Variants in BPIFA3 observed in about 807,000 individuals in gnomAD.
BPIFA3 encodes the protein BPI fold containing family A member 3.
A neutral mutation model predicts 29.7 loss-of-function variants in BPIFA3; 32 were observed. That is an observed-to-expected ratio of 1.08 (90% confidence interval 0.81 to 1.45). The LOEUF (loss-of-function observed/expected upper bound fraction) is 1.45. Ranked by LOEUF, BPIFA3 falls within the 40% of genes most tolerant of loss-of-function variation. BPIFA3 has a pLI of 0.00. For missense variants in BPIFA3, 323 were observed against 311.3 expected (o/e 1.04, Z -0.28); for synonymous variants, 112 against 113.7 (o/e 0.98, Z 0.10).
chr20:33,223,764 C>G (rs910508138), intron 1 of BPIFA3, 47 bp from the exon 2 acceptor site: 4 of 1,578,386 alleles, frequency 2.5e-6, no homozygotes, highest in Non-Finnish European at 3.5e-6. Flanking sequence ...AGCCCCCCAC[C>G]TTTTCCGTGA....
intron 2 of BPIFA3, 54 bp from the exon 3 acceptor site, chr20:33,224,301 T>C (rs1333240165): frequency 4.9e-6 from 7 of 1,434,122 alleles, no homozygotes; most frequent in African/African-American, 2.8e-5. Flanking sequence ...CAGGAAGCCT[T>C]ACCTGTTCTG....
chr20:33,227,266 A>G (rs908543262), intron 6 of BPIFA3, among the ~76,000 whole-genome samples: 1 of 152,068 alleles, frequency 6.6e-6, no homozygotes, highest in Non-Finnish European at 1.5e-5. Context: ...TCTCCACCCA[A>G]TCCAGTAGGG....
Position 33,224,409 on chromosome 20 carries a change from T to C in BPIFA3, c.333T>C (p.His111=), listed in dbSNP as rs144364240. The change falls in exon 3 of 7, where the codon CAT becomes CAC. Residue 111 remains histidine (H), a synonymous_variant. Coordinates refer to ENST00000375454, the MANE Select transcript of BPIFA3 (RefSeq NM_178466.5). ...LDCGGIQISF[H]KEWFSANISL... is the part of the protein sequence containing the mutation. ...GTGGTGGGATCCAGATATCATTCCATAAGGAGTGGTTCTCGGCAAATATCT... is the reference window on the plus strand; with the variant it reads ...GTGGTGGGATCCAGATATCATTCCACAAGGAGTGGTTCTCGGCAAATATCT... 1,821 of 1,614,132 alleles carry C rather than the reference T, an allele frequency of 1.1e-3. 23 individuals are homozygous for C. In the African/African-American group the frequency reaches 0.021, roughly 18 times the overall value.
rs200271369 is a variant in BPIFA3 at position 33,217,534 on chromosome 20, C to G, written c.-3C>G. ...CTCTTGACATCTGCAGGTCCCAGACCCTATGATGTGTCCACTCTGGAGGCT... is the reference window on the plus strand; with the variant it reads ...CTCTTGACATCTGCAGGTCCCAGACGCTATGATGTGTCCACTCTGGAGGCT... On this transcript the variant is annotated 5_prime_UTR_variant, in exon 1 of 7. Coordinates refer to ENST00000375454, the MANE Select transcript of BPIFA3 (RefSeq NM_178466.5). 4.3e-6 allele frequency: 7 copies of G among 1,613,874 alleles called. No individual in the cohort carries two copies. The highest frequency in any genetic ancestry group is 5.9e-6 in the Non-Finnish European group (7 of 1,179,872).
Position 33,224,998 on chromosome 20 carries a change from C to A in BPIFA3, c.387-100C>A, listed in dbSNP as rs1005287771. On this transcript the variant is annotated intron_variant, in intron 3 of 6. Coordinates refer to ENST00000375454, the MANE Select transcript of BPIFA3 (RefSeq NM_178466.5). The stretch of plus-strand genomic sequence containing the variant: ...AAAGGACTCAGAGTGCCAGGGGAAG[C>A]CCTAACGGTGGACAGTGCCCGTCTT... 8 of 1,092,462 alleles carry A rather than the reference C, an allele frequency of 7.3e-6. No individual in the cohort carries two copies. In the South Asian group the frequency reaches 8.5e-5, roughly 12 times the overall value. The allele number at this position is 1,092,462 out of a possible 1,614,324, so 67.7% of individuals were successfully genotyped here. A position where few individuals can be genotyped will look rare whatever the true frequency, so the allele number is the denominator to read the frequency against.
intron 3 of BPIFA3, 48 bp from the exon 4 acceptor site, chr20:33,225,050 C>A (rs1387544643): frequency 1.3e-6 from 2 of 1,570,568 alleles, no homozygotes; most frequent in Non-Finnish European, 1.8e-6. Flanking sequence ...TCTACTCTTT[C>A]TCTACCTCCT....
At chr20:33,227,058 C>T (rs539260827) in intron 6 of BPIFA3, 65 bp downstream of exon 6, 13 of 1,476,204 alleles carry the variant, frequency 8.8e-6, no homozygotes, top group Middle Eastern at 1.8e-4. Flanking sequence ...GAGGTACCCC[C>T]GGCCCTGGAG....
chr20:33,218,797 A>G (rs373454625), intron 1 of BPIFA3, among the ~76,000 whole-genome samples: 5 of 147,986 alleles, frequency 3.4e-5, no homozygotes, highest in Non-Finnish European at 7.5e-5. Context: ...CTATTTTTCT[A>G]CTTTTTTTTT....
intron 1 of BPIFA3, among the ~76,000 whole-genome samples, chr20:33,220,174 G>A (rs112718189): frequency 0.014 from 2,169 of 151,730 alleles, 56 homozygotes; most frequent in African/African-American, 0.049. Flanking sequence ...TGAGGTGGGC[G>A]AATCACAAGG....
chr20:33,224,407 C>T lies in BPIFA3; in HGVS notation c.331C>T (p.His111Tyr), dbSNP rs1203627086. The change falls in exon 3 of 7, where the codon CAT (histidine) becomes TAT (tyrosine). Residue 111 changes from histidine to tyrosine, a missense_variant. Transcript: ENST00000375454. Reference protein sequence around the residue: ...LDCGGIQISFHKEWFSANISL... With the variant: ...LDCGGIQISFYKEWFSANISL... ...CTGTGGTGGGATCCAGATATCATTC[C>T]ATAAGGAGTGGTTCTCGGCAAATAT... The T allele has an allele frequency of 1.2e-6, 2 of 1,614,038 alleles. No homozygotes were observed. Among genetic ancestry groups the T allele is most frequent in the East Asian group, 4.5e-5 (2 of 44,898 alleles).
chr20:33,221,786 G>A (rs1985526106), intron 1 of BPIFA3, among the ~76,000 whole-genome samples: 1 of 152,106 alleles, frequency 6.6e-6, no homozygotes, highest in Non-Finnish European at 1.5e-5. Context: ...GCATTTTGTG[G>A]TTGGCATAAA....
chr20:33,226,862 G>C, intron 5 of BPIFA3, 68 bp from the exon 6 acceptor site: 2 of 1,590,790 alleles, frequency 1.3e-6, no homozygotes, highest in Middle Eastern at 1.7e-4. Context: ...GAAGTTTCCT[G>C]CCACAGTCAC....
At chr20:33,221,727 T>A (rs1985524004) in intron 1 of BPIFA3, among the ~76,000 whole-genome samples, 1 of 152,242 alleles carries the variant, frequency 6.6e-6, no homozygotes. Flanking sequence ...AAGAAATTTC[T>A]TAATTTCTTT....
At position 33,225,171 on chromosome 20, in the gene BPIFA3, G is replaced by A. The variant is rs1437777652; in HGVS notation, c.460G>A (p.Glu154Lys). 7 of 1,614,138 alleles carry A rather than the reference G, an allele frequency of 4.3e-6. No individual in the cohort carries two copies. The highest frequency in any genetic ancestry group is 2.2e-5 in the East Asian group (1 of 44,876). Reference protein sequence around the residue: ...IVVEFWLEKDEFGRRDLVIGK... With the variant: ...IVVEFWLEKDKFGRRDLVIGK... ...TGTGGAGTTCTGGCTGGAGAAAGAC[G>A]AGTTTGGCCGGAGGGATCTGGTGAT... The change falls in exon 4 of 7, where the codon GAG becomes AAG. Residue 154 changes from glutamate to lysine, a missense_variant. Physicochemically the swap from Glu to Lys is moderately conservative, Grantham distance 56. Transcript: ENST00000375454.
At position 33,224,397 on chromosome 20, in the gene BPIFA3, G is replaced by A; in HGVS notation, c.321G>A (p.Gln107=). ...TNIQLDCGGI[Q]ISFHKEWFSA... Reference sequence around the variant, plus strand: ...TTCAGCTGGACTGTGGTGGGATCCAGATATCATTCCATAAGGAGTGGTTCT... The same window carrying A: ...TTCAGCTGGACTGTGGTGGGATCCAAATATCATTCCATAAGGAGTGGTTCT... Residue 107 remains glutamine, a synonymous_variant, in exon 3 of 7, where the codon CAG becomes CAA. Transcript: ENST00000375454. The A allele has an allele frequency of 6.2e-7, 1 of 1,614,202 alleles. No individual in the cohort carries two copies. Among genetic ancestry groups the A allele is most frequent in the Non-Finnish European group, 8.5e-7 (1 of 1,180,024 alleles).
Position 33,225,324 on chromosome 20 carries a change from G to A in BPIFA3, c.536+77G>A, listed in dbSNP as rs934711649. ...CCAGCTGCAGGGTCACTTCCTGACCGTCTCCTAAATTAGTCCAAAGCAGAT... is the reference window on the plus strand; with the variant it reads ...CCAGCTGCAGGGTCACTTCCTGACCATCTCCTAAATTAGTCCAAAGCAGAT... On this transcript the variant is annotated intron_variant, in intron 4 of 6. Coordinates refer to ENST00000375454, the MANE Select transcript of BPIFA3 (RefSeq NM_178466.5). 8.1e-5 allele frequency: 129 copies of A among 1,592,574 alleles called. No individual in the cohort carries two copies. In the Middle Eastern group the frequency reaches 1.1e-3, roughly 14 times the overall value.
At chr20:33,224,771 C>T (rs1985698622) in intron 3 of BPIFA3, among the ~76,000 whole-genome samples, 1 of 152,226 alleles carries the variant, frequency 6.6e-6, no homozygotes, top group Non-Finnish European at 1.5e-5. Flanking sequence ...GCTCACCATC[C>T]TCCTGTTCAA....
At chr20:33,223,716 A>C in intron 1 of BPIFA3, 95 bp from the exon 2 acceptor site, 1 of 1,405,706 alleles carries the variant, frequency 7.1e-7, no homozygotes, top group African/African-American at 1.4e-5. Context: ...AAGCAATCAG[A>C]TCTTGCACCA....
intron 5 of BPIFA3, 120 bp downstream of exon 5, chr20:33,226,610 A>C (rs538531029): frequency 1.3e-6 from 1 of 784,784 alleles, no homozygotes; most frequent in African/African-American, 1.8e-5. Context: ...AAAAATCTCA[A>C]TTTAAAATTT....
Sources: gnomAD v4.1 joint callset for allele counts (sites outside exome capture counted in the v4.1 genomes callset) on GRCh38, gnomAD v4.1.1 for gene constraint, MANE v1.5 for transcripts, NCBI Gene and HGNC (gene_info 2026-07-23, HGNC 2026-07-21) for gene names.